Variants in CSMD3 observed in about 807,000 individuals in gnomAD.
CSMD3 encodes the protein CUB and sushi domain-containing protein 3.
Under a neutral mutation model 435.2 loss-of-function variants are expected in CSMD3, and 177 were observed. The observed-to-expected ratio is 0.41, with a 90% CI of 0.36 to 0.46. CSMD3 has a LOEUF of 0.46. Among genes scored for constraint, CSMD3 ranks in the 20% least tolerant of loss-of-function variants. The pLI, the probability that CSMD3 is intolerant of heterozygous loss-of-function variation, is 0.34. For synonymous variants in CSMD3, 1,656 were observed against 1,520.5 expected, an observed-to-expected ratio of 1.09 and a Z score of -2.07; for missense variants, 4,265 against 4,504.6, an observed-to-expected ratio of 0.95 and a Z score of 1.52.
Position 112,747,698 on chromosome 8 carries a change from G to A in CSMD3, c.1972+52464C>T, listed in dbSNP as rs1457837009. On this transcript the variant is annotated intron_variant, in intron 13 of 70. Transcript: ENST00000297405. ...ACTTTATTTATAAAAACAGGCGGCCGGGCGCGGTGGCTCACGCCTGTAATC... is the reference window on the plus strand; with the variant it reads ...ACTTTATTTATAAAAACAGGCGGCCAGGCGCGGTGGCTCACGCCTGTAATC... Among the ~76,000 whole-genome samples, 15 of 152,216 alleles carry A rather than the reference G, an allele frequency of 9.9e-5. No individual in the cohort carries two copies. In the South Asian group the frequency reaches 1.0e-3, roughly 11 times the overall value.
At chr8:112,998,341 C>T (rs2085733394) in intron 6 of CSMD3, among the ~76,000 whole-genome samples, 1 of 151,856 alleles carries the variant, frequency 6.6e-6, no homozygotes, top group Non-Finnish European at 1.5e-5. Context: ...CAGGACACCT[C>T]TGGGTCTTTG....
intron 1 of CSMD3, among the ~76,000 whole-genome samples, chr8:113,355,861 A>C (rs1362254750): frequency 2.7e-5 from 4 of 147,646 alleles, no homozygotes; most frequent in African/African-American, 9.9e-5. Flanking sequence ...TTTTGTGAAG[A>C]TCATCTTACA....
At chr8:113,295,285 T>C (rs1197587265) in intron 2 of CSMD3, among the ~76,000 whole-genome samples, 1 of 152,174 alleles carries the variant, frequency 6.6e-6, no homozygotes, top group African/African-American at 2.4e-5. Context: ...CAATCCTGTT[T>C]GTTTAGTGGA....
chr8:112,623,583 T>C (rs1421383998), intron 22 of CSMD3, among the ~76,000 whole-genome samples: 2 of 152,036 alleles, frequency 1.3e-5, no homozygotes, highest in Non-Finnish European at 2.9e-5. Flanking sequence ...GTTACATATG[T>C]ATACATGTGC....
intron 12 of CSMD3, among the ~76,000 whole-genome samples, chr8:112,814,635 T>G (rs2079321700): frequency 6.6e-6 from 1 of 151,974 alleles, no homozygotes; most frequent in Non-Finnish European, 1.5e-5. Flanking sequence ...ACAGAAAAAT[T>G]AGTCCAGCAT....
chr8:112,271,295 C>T (rs1334432375), intron 59 of CSMD3, among the ~76,000 whole-genome samples: 1 of 152,098 alleles, frequency 6.6e-6, no homozygotes, highest in African/African-American at 2.4e-5. Flanking sequence ...ACAAATTTTA[C>T]AAATGGTCGT....
chr8:112,291,417 G>T, intron 56 of CSMD3, 93 bp downstream of exon 56: 1 of 884,136 alleles, frequency 1.1e-6, no homozygotes, highest in Non-Finnish European at 1.9e-6. Context: ...GCTTCTCTGT[G>T]ATATATATCT....
Position 113,135,712 on chromosome 8 carries a change from C to G in CSMD3, c.710-36749G>C, listed in dbSNP as rs1000248787. 2.6e-5 allele frequency among the ~76,000 whole-genome samples: 4 copies of G among 151,840 alleles called. No individual in the cohort carries two copies. In the South Asian group the frequency reaches 6.2e-4, roughly 24 times the overall value. ...TTTATATATTTTTCAGCCAAATCTT[C>G]GTTTTCTTAGAAGAATCCAATTACT... On this transcript the variant is annotated intron_variant, in intron 4 of 70. Transcript: ENST00000297405.
intron 3 of CSMD3, among the ~76,000 whole-genome samples, chr8:113,181,910 A>C (rs2092426749): frequency 6.6e-6 from 1 of 152,090 alleles, no homozygotes; most frequent in South Asian, 2.1e-4. Flanking sequence ...CTGTATTAAG[A>C]CTTTTGGATA....
intron 11 of CSMD3, among the ~76,000 whole-genome samples, chr8:112,842,737 T>C (rs990102344): frequency 6.6e-6 from 1 of 151,824 alleles, no homozygotes; most frequent in Non-Finnish European, 1.5e-5. Context: ...TGTGTATTAG[T>C]ATATGAGGAA....
chr8:113,254,132 C>G lies in CSMD3; in HGVS notation c.514+24460G>C, dbSNP rs377507846. Among the ~76,000 whole-genome samples, 13 of 152,110 alleles carry G rather than the reference C, an allele frequency of 8.5e-5. No individual in the cohort carries two copies. The South Asian group carries it at 2.7e-3, about 32-fold the overall frequency. ...CTGATCTGAGTGTCTATAATTTTCT[C>G]AATGTCATGCTGTACATTTTCAACG... On this transcript the variant is annotated intron_variant, in intron 3 of 70. Transcript: ENST00000297405.
At chr8:112,924,929 C>A (rs1009497563) in intron 9 of CSMD3, among the ~76,000 whole-genome samples, 4 of 151,926 alleles carry the variant, frequency 2.6e-5, no homozygotes, top group Non-Finnish European at 5.9e-5. Flanking sequence ...CAGTTATTTC[C>A]CTCAGTTAGA....
At chr8:112,296,811 TA>T (rs1820337891) in intron 53 of CSMD3, among the ~76,000 whole-genome samples, 2 of 151,784 alleles carry the variant, frequency 1.3e-5, no homozygotes, top group African/African-American at 4.8e-5. Context: ...ATTCTTTCTC[TA>T]AAAATAGCAA....
At chr8:112,572,671 T>C (rs954230200) in intron 24 of CSMD3, among the ~76,000 whole-genome samples, 1 of 152,092 alleles carries the variant, frequency 6.6e-6, no homozygotes, top group Admixed American at 6.6e-5. Flanking sequence ...CTATACAACA[T>C]TAATGAGTGC....
rs2131189598 is a variant in CSMD3 at position 112,550,772 on chromosome 8, G to C, written c.4463C>G (p.Ser1488Cys). The change falls in exon 27 of 71, where the codon TCT becomes TGT. Residue 1488 changes from serine to cysteine, a missense_variant. Physicochemically the swap from Ser to Cys is moderately radical, Grantham distance 112 (BLOSUM62 -1). Transcript: ENST00000297405. ...GCTATGAATTCCTTCAGGAATAAGA[G>C]ATCCACTAATTTCCTTTAAAAGCAT... The part of the protein sequence containing the change: ...NDMLLKEISG[S>C]LIPEGIHSTL... 6.2e-7 allele frequency: 1 copy of C among 1,601,492 alleles called. No individual in the cohort carries two copies. Among genetic ancestry groups the C allele is most frequent in the Non-Finnish European group, 8.6e-7 (1 of 1,168,900 alleles).
At chr8:112,343,644 T>A (rs1825387284) in intron 41 of CSMD3, among the ~76,000 whole-genome samples, 1 of 152,164 alleles carries the variant, frequency 6.6e-6, no homozygotes, top group Non-Finnish European at 1.5e-5. Context: ...ACTTTTTGTT[T>A]TTTCATTTCA....
At chr8:113,305,156 T>TGGGGGGGGGG (rs2093809081) in intron 2 of CSMD3, among the ~76,000 whole-genome samples, 1 of 90,746 alleles carries the variant, frequency 1.1e-5, no homozygotes, top group Non-Finnish European at 2.2e-5. Context: ...TGTTGTGGGG[T>TGGGGGGGGGG]TGGGGGAGGG....
At position 112,843,754 on chromosome 8, in the gene CSMD3, G is replaced by A. The variant is rs117775435; in HGVS notation, c.1756-13965C>T. Among the ~76,000 whole-genome samples, 1,033 of 151,950 alleles carry A rather than the reference G, an allele frequency of 6.8e-3. 7 individuals are homozygous for A. The highest frequency in any genetic ancestry group is 0.012 in the South Asian group (59 of 4,824). On this transcript the variant is annotated intron_variant, in intron 11 of 70. Coordinates refer to ENST00000297405, the MANE Select transcript of CSMD3 (RefSeq NM_198123.2). ...GGAACTGAATTCTGCCAACAAGATC[G>A]ATTAACAGGAAACATTCTTTCCCAG...
intron 12 of CSMD3, among the ~76,000 whole-genome samples, chr8:112,808,585 C>G (rs910238879): frequency 3.3e-5 from 5 of 152,064 alleles, no homozygotes; most frequent in African/African-American, 9.7e-5. Flanking sequence ...CCTAAGCCCC[C>G]GCATTTGTGT....
Sources: gnomAD v4.1 joint callset for allele counts (sites outside exome capture counted in the v4.1 genomes callset) on GRCh38, gnomAD v4.1.1 for gene constraint, MANE v1.5 for transcripts, NCBI Gene and HGNC (gene_info 2026-07-23, HGNC 2026-07-21) for gene names.